GABRG3: variants seen among roughly 807,000 people sequenced by gnomAD.
GABRG3 encodes gamma-aminobutyric acid receptor subunit gamma-3.
A neutral mutation model predicts 48.8 loss-of-function variants in GABRG3; 25 were observed. The ratio of observed to expected loss-of-function variants is 0.51; its 90% confidence interval spans 0.37 to 0.72. The LOEUF is 0.72. GABRG3 is among the 30% of genes least tolerant of loss of function. GABRG3 has a pLI of 0.00. For missense variants in GABRG3, 394 were observed against 577.9 expected (o/e 0.68, Z 3.26); for synonymous variants, 227 against 217.6 (o/e 1.04, Z -0.38).
chr15:27,245,900 C>T (rs925052957), intron 3 of GABRG3, among the ~76,000 whole-genome samples: 6 of 152,142 alleles, frequency 3.9e-5, no homozygotes, highest in Admixed American at 1.3e-4. Context: ...ATTTGGCTCA[C>T]GGTTCTGTAG....
chr15:27,197,660 T>C (rs1308040193), intron 3 of GABRG3, among the ~76,000 whole-genome samples: 1 of 152,094 alleles, frequency 6.6e-6, no homozygotes, highest in Non-Finnish European at 1.5e-5. Context: ...TAAATATTGC[T>C]TGGCTTAGTT....
At chr15:27,330,897 G>A (rs963592141) in intron 5 of GABRG3, among the ~76,000 whole-genome samples, 1 of 152,074 alleles carries the variant, frequency 6.6e-6, no homozygotes, top group African/African-American at 2.4e-5. Context: ...GCCAGGGGGT[G>A]GACAGTCTTA....
At chr15:27,307,060 CATGT>C (rs1303052071) in intron 3 of GABRG3, among the ~76,000 whole-genome samples, 35 of 114,554 alleles carry the variant, frequency 3.1e-4, no homozygotes, top group African/African-American at 1.2e-3. Flanking sequence ...TATATATAAA[CATGT>C]ATAATATAAA....
At chr15:27,398,078 A>G (rs1031932518) in intron 5 of GABRG3, among the ~76,000 whole-genome samples, 1 of 152,162 alleles carries the variant, frequency 6.6e-6, no homozygotes, top group Non-Finnish European at 1.5e-5. Context: ...TGCTGGGATT[A>G]CAGGTGTGAG....
At chr15:27,007,719 G>A (rs532747657) in intron 2 of GABRG3, among the ~76,000 whole-genome samples, 1 of 152,256 alleles carries the variant, frequency 6.6e-6, no homozygotes, top group South Asian at 2.1e-4. Flanking sequence ...TTTGAGAAGT[G>A]TTTGTTTCAT....
chr15:27,391,435 T>C (rs1193463496), intron 5 of GABRG3, among the ~76,000 whole-genome samples: 1 of 152,120 alleles, frequency 6.6e-6, no homozygotes, highest in African/African-American at 2.4e-5. Flanking sequence ...CAGAACTTAG[T>C]TCTGCACTTC....
At chr15:27,530,705 C>T (rs1322252225) in intron 9 of GABRG3, 1 of 471,058 alleles carries the variant, frequency 2.1e-6, no homozygotes. Flanking sequence ...TTCTGCCTCC[C>T]CGTCTAAGTC....
At chr15:27,149,403 T>A (rs896230727) in intron 3 of GABRG3, among the ~76,000 whole-genome samples, 59 of 152,212 alleles carry the variant, frequency 3.9e-4, no homozygotes, top group African/African-American at 1.4e-3. Context: ...GTGAAGATGG[T>A]AATAGCTCCA....
chr15:27,494,782 C>A (rs1354897308), intron 6 of GABRG3, among the ~76,000 whole-genome samples: 1 of 152,076 alleles, frequency 6.6e-6, no homozygotes, highest in Non-Finnish European at 1.5e-5. Flanking sequence ...TTTGGAGAAT[C>A]ATCTCTTTGT....
intron 7 of GABRG3, among the ~76,000 whole-genome samples, chr15:27,523,896 A>G (rs1306191352): frequency 1.3e-5 from 2 of 152,064 alleles, no homozygotes; most frequent in Non-Finnish European, 2.9e-5. Flanking sequence ...CAAATATTGG[A>G]GAGGGAAATG....
At chr15:27,147,931 T>C (rs909852597) in intron 3 of GABRG3, among the ~76,000 whole-genome samples, 2 of 149,910 alleles carry the variant, frequency 1.3e-5, no homozygotes, top group Non-Finnish European at 3.0e-5. Context: ...AGGACAATAA[T>C]CCAAAGCAAG....
At chr15:27,193,909 A>C (rs1888415220) in intron 3 of GABRG3, among the ~76,000 whole-genome samples, 1 of 152,208 alleles carries the variant, frequency 6.6e-6, no homozygotes, top group Admixed American at 6.5e-5. Context: ...CATTTAAGGT[A>C]GTTATTAATA....
At chr15:27,271,570 A>G (rs1458765369) in intron 3 of GABRG3, 1 of 452,612 alleles carries the variant, frequency 2.2e-6, no homozygotes, top group South Asian at 1.6e-5. Context: ...ACAGAAGAGG[A>G]TGGCTGCTGG....
In GABRG3 at chr15:27,483,591, C is replaced by T. The variant is rs373437910; in HGVS notation, c.712+2804C>T. Among the ~76,000 whole-genome samples, 22 of 152,310 alleles carry T rather than the reference C, an allele frequency of 1.4e-4. No homozygotes were observed. In the East Asian group the frequency reaches 3.7e-3, roughly 25 times the overall value. The stretch of plus-strand genomic sequence containing the variant: ...ATTTCAGTTGCACTGGGAAATGAGG[C>T]GTTCCCTTGTCCCAGACACATCCTT... On this transcript the variant is annotated intron_variant, in intron 6 of 9. Transcript: ENST00000615808.
chr15:27,004,256 T>A (rs34245116), intron 2 of GABRG3, among the ~76,000 whole-genome samples: 3 of 149,314 alleles, frequency 2.0e-5, no homozygotes, highest in African/African-American at 7.4e-5. Context: ...GCAGAAGGTC[T>A]CCTCACTTCT....
At chr15:27,415,113 A>G (rs1460821938) in intron 5 of GABRG3, among the ~76,000 whole-genome samples, 3 of 152,228 alleles carry the variant, frequency 2.0e-5, no homozygotes, top group African/African-American at 4.8e-5. Flanking sequence ...TTAATTTTAA[A>G]TAAGTATTAA....
At chr15:27,073,326 G>T (rs1323468103) in intron 3 of GABRG3, among the ~76,000 whole-genome samples, 1 of 152,208 alleles carries the variant, frequency 6.6e-6, no homozygotes, top group African/African-American at 2.4e-5. Context: ...TCTTGTCCAT[G>T]GTCCTCCAGG....
At chr15:27,330,702 A>G (rs866733426) in intron 5 of GABRG3, among the ~76,000 whole-genome samples, 3 of 152,260 alleles carry the variant, frequency 2.0e-5, no homozygotes, top group Non-Finnish European at 4.4e-5. Flanking sequence ...CTTAAAGACA[A>G]TTCACACATA....
At chr15:27,303,220 A>G (rs1428448590) in intron 3 of GABRG3, among the ~76,000 whole-genome samples, 2 of 151,604 alleles carry the variant, frequency 1.3e-5, no homozygotes, top group Non-Finnish European at 3.0e-5. Flanking sequence ...TTCAAGACTG[A>G]CAAAGTTAAA....
Sources: allele counts gnomAD v4.1 joint callset (sites outside exome capture counted in the v4.1 genomes callset), GRCh38; gene constraint gnomAD v4.1.1; transcripts MANE v1.5; gene names NCBI Gene and HGNC (gene_info 2026-07-23, HGNC 2026-07-21).